The following TAF1D variants were observed in gnomAD, a reference collection of about 807,000 sequenced individuals.
TAF1D encodes TATA box-binding protein-associated factor RNA polymerase I subunit D.
In TAF1D, 23 loss-of-function variants were observed where a neutral mutation model predicts 26.2. The observed-to-expected ratio is 0.88, with a 90% CI of 0.63 to 1.25. The LOEUF (loss-of-function observed/expected upper bound fraction) is 1.25. TAF1D is among the 50% of genes most tolerant of loss of function. TAF1D has a pLI of 0.00. For synonymous variants in TAF1D, 100 were observed against 105.6 expected (o/e 0.95, Z 0.33); for missense variants, 299 against 322.0 (o/e 0.93, Z 0.55).
rs1484902894 is a variant in TAF1D, at chr11:93,741,439, T to C, written c.-145A>G. On this transcript the variant is annotated 5_prime_UTR_variant, in exon 1 of 6. Transcript: ENST00000448108. ...CTCTGTACACACCACCCTCCCGACCTCAGCCCTCCAACTCCCGATAACCAG... is the reference window on the plus strand; with the variant it reads ...CTCTGTACACACCACCCTCCCGACCCCAGCCCTCCAACTCCCGATAACCAG... 4 of 456,038 alleles carry C rather than the reference T, an allele frequency of 8.8e-6. No homozygotes were observed. Among genetic ancestry groups the C allele is most frequent in the Admixed American group, 2.4e-5 (1 of 42,546 alleles). 28.2% of individuals were successfully genotyped at this position (456,038 alleles called of 1,614,324 possible).
downstream of TAF1D, chr11:93,734,808 CTT>C: frequency 8.3e-7 from 1 of 1,201,608 alleles, no homozygotes; most frequent in Non-Finnish European, 1.1e-6. Flanking sequence ...CAGGGTCTGT[CTT>C]TGTTACTCAG....
downstream of TAF1D, chr11:93,733,124 ATAGAAAGTACCAATTAAAGATT>A (rs546053184): frequency 1.7e-3 from 754 of 442,110 alleles, 6 homozygotes; most frequent in African/African-American, 0.014. Context: ...ATTCATTCCT[ATAGAAAGTACCAATTAAAGATT>A]TAGAAAGGAT....
chr11:93,731,110 G>A (rs751971992), downstream of TAF1D: 2 of 501,308 alleles, frequency 4.0e-6, no homozygotes, highest in East Asian at 5.5e-5. Flanking sequence ...TTACACCCTT[G>A]AGCAAATAAC....
At chr11:93,733,491 G>C, downstream of TAF1D, 1 of 518,754 alleles carries the variant, frequency 1.9e-6, no homozygotes, top group Non-Finnish European at 3.8e-6. Flanking sequence ...CCTTCCCACA[G>C]ATCTAACAAT....
intron 3 of TAF1D, 23 bp from the exon 4 acceptor site, chr11:93,737,262 G>A: frequency 2.0e-6 from 3 of 1,530,378 alleles, no homozygotes; most frequent in Non-Finnish European, 2.6e-6. Flanking sequence ...AACACCATAA[G>A]TATGTCGAGA....
chr11:93,739,213 A>G, intron 2 of TAF1D, 24 bp downstream of exon 2: 2 of 1,561,046 alleles, frequency 1.3e-6, no homozygotes, highest in Non-Finnish European at 1.8e-6. Flanking sequence ...TTCAGATACA[A>G]TAAACATGAT....
downstream of TAF1D, chr11:93,735,525 G>T (rs2135486968): frequency 2.4e-6 from 1 of 423,880 alleles, no homozygotes; most frequent in Non-Finnish European, 3.2e-6. Context: ...ACAAAAACTA[G>T]CTGGGTGTGC....
downstream of TAF1D, chr11:93,734,575 G>C (rs1281359004): frequency 2.0e-6 from 1 of 495,834 alleles, no homozygotes; most frequent in Non-Finnish European, 3.8e-6. Context: ...ACAACATACT[G>C]TTTCCTACAC....
In TAF1D at chr11:93,738,377, G is replaced by GA. The variant is rs751648445; in HGVS notation, c.190dup (p.Ser64PhefsTer4). On this transcript the variant is annotated frameshift_variant, in exon 3 of 6. Transcript: ENST00000448108. LOFTEE classifies it high-confidence loss of function. ...TGGTTCAAAAGATGAGTCACTTGAT[G>GA]AATCACTTGCGTGAACACTTTCAGG... 6.2e-7 allele frequency: 1 copy of GA among 1,613,904 alleles called. No individual in the cohort carries two copies. Among genetic ancestry groups the GA allele is most frequent in the African/African-American group, 1.3e-5 (1 of 75,020 alleles).
exon 12 of TAF1D, chr11:93,730,306 A>T (rs1355452224): frequency 2.2e-6 from 3 of 1,375,910 alleles, no homozygotes; most frequent in African/African-American, 2.9e-5. Flanking sequence ...TTAATTGTGT[A>T]TATGTAGCAT....
chr11:93,730,934 T>C (rs747217906), downstream of TAF1D: 1 of 486,418 alleles, frequency 2.1e-6, no homozygotes, highest in Non-Finnish European at 4.0e-6. Flanking sequence ...AAAAATCACA[T>C]GTGGTTCACA....
Position 93,738,345 on chromosome 11 carries a change from A to C in TAF1D, c.223T>G (p.Leu75Val). The C allele has an allele frequency of 2.5e-6, 4 of 1,613,322 alleles. No homozygotes were observed. The highest frequency in any genetic ancestry group is 3.4e-6 in the Non-Finnish European group (4 of 1,179,838). Residue 75 changes from leucine to valine, a missense_variant, in exon 3 of 6, where the codon TTG (leucine) becomes GTG (valine). Coordinates refer to ENST00000448108, the MANE Select transcript of TAF1D (RefSeq NM_024116.4). The part of the protein sequence containing the change: ...SSDSSFEPIP[L>V]TIKAIFERFK... Reference sequence around the variant, plus strand: ...CTTTCAAAAATAGCTTTTATAGTCAATGGTATTGGTTCAAAAGATGAGTCA... The same window carrying C: ...CTTTCAAAAATAGCTTTTATAGTCACTGGTATTGGTTCAAAAGATGAGTCA...
chr11:93,733,184 C>T (rs748154828), downstream of TAF1D: 2 of 512,116 alleles, frequency 3.9e-6, no homozygotes, highest in Non-Finnish European at 7.8e-6. Flanking sequence ...AACTAAAACC[C>T]AAGTATAAAT....
chr11:93,734,250 C>G (rs1940159149), downstream of TAF1D: 1 of 159,578 alleles, frequency 6.3e-6, no homozygotes, highest in African/African-American at 2.4e-5. Context: ...CTACATCATT[C>G]AAATTTATGA....
intron 2 of TAF1D, 40 bp downstream of exon 2, chr11:93,739,197 T>C (rs113229822): frequency 1.3e-6 from 2 of 1,483,356 alleles, no homozygotes; most frequent in Non-Finnish European, 1.9e-6. Flanking sequence ...CAATAGTTTC[T>C]CATAATTCAG....
In TAF1D at chr11:93,737,012, A is replaced by G. The variant is rs576263630; in HGVS notation, c.635+52T>C. 37 of 1,426,310 alleles carry G rather than the reference A, an allele frequency of 2.6e-5. 1 individual carries two copies. In the South Asian group the frequency reaches 4.9e-4, roughly 19 times the overall value. The allele number at this position is 1,426,310 out of a possible 1,614,324, so 88.4% of individuals were successfully genotyped here. On this transcript the variant is annotated intron_variant, in intron 4 of 5. Coordinates refer to ENST00000448108, the MANE Select transcript of TAF1D (RefSeq NM_024116.4). The stretch of plus-strand genomic sequence containing the variant: ...AGGCAAAATATGAAGCAATTAACAT[A>G]GAAATTTAATTTATAACCTATTACC...
At chr11:93,731,987 T>TA (rs1490683727), downstream of TAF1D, 1 of 505,660 alleles carries the variant, frequency 2.0e-6, no homozygotes, top group South Asian at 1.4e-5. Flanking sequence ...CCTACATTTT[T>TA]ACTCATAAAC....
chr11:93,731,014 CAG>C (rs2135405823), downstream of TAF1D: 1 of 518,876 alleles, frequency 1.9e-6, no homozygotes, highest in Non-Finnish European at 3.8e-6. Context: ...AGCAAAGTAG[CAG>C]ATAGAAAACC....
exon 12 of TAF1D, chr11:93,730,446 C>A: frequency 1.3e-6 from 1 of 757,064 alleles, no homozygotes; most frequent in Non-Finnish European, 2.4e-6. Context: ...TTCAAGTTTG[C>A]CCTGAAGAAG....
Sources: allele counts gnomAD v4.1 joint callset, GRCh38; gene constraint gnomAD v4.1.1; transcripts MANE v1.5; gene names NCBI Gene and HGNC (gene_info 2026-07-23, HGNC 2026-07-21).